The following ARHGAP35 variants were observed in gnomAD, a reference collection of about 807,000 sequenced individuals.
The protein encoded by ARHGAP35 is Rho GTPase activating protein 35.
A neutral mutation model predicts 111.1 loss-of-function variants in ARHGAP35; 15 were observed. The observed-to-expected ratio is 0.13, with a 90% CI of 0.09 to 0.21. The LOEUF (loss-of-function observed/expected upper bound fraction) is 0.21, where lower values mean the gene tolerates loss of function less well. Ranked by LOEUF, ARHGAP35 falls within the 10% of genes least tolerant of loss-of-function variation. The pLI, the probability that ARHGAP35 is intolerant of heterozygous loss-of-function variation, is 1.00. For synonymous variants in ARHGAP35, 643 were observed against 710.3 expected (o/e 0.91, Z 1.51); for missense variants, 1,262 against 1,873.0 (o/e 0.67, Z 6.02).
At chr19:46,873,915 A>C (rs980198435) in intron 1 of ARHGAP35, among the ~76,000 whole-genome samples, 3 of 151,836 alleles carry the variant, frequency 2.0e-5, no homozygotes, top group African/African-American at 7.3e-5. Context: ...CCCTGGGCTA[A>C]TTTTGTATTT....
chr19:46,889,509 G>A (rs1027509244), intron 1 of ARHGAP35, among the ~76,000 whole-genome samples: 9 of 151,852 alleles, frequency 5.9e-5, no homozygotes. Context: ...CCAATCAACA[G>A]CGATTAATTA....
chr19:46,916,309 A>C (rs2083624421), intron 1 of ARHGAP35, among the ~76,000 whole-genome samples: 1 of 151,376 alleles, frequency 6.6e-6, no homozygotes, highest in South Asian at 2.1e-4. Flanking sequence ...TTCTTTCCCC[A>C]CACACACTTT....
At chr19:46,968,623 A>G (rs1402160229) in intron 3 of ARHGAP35, among the ~76,000 whole-genome samples, 2 of 152,364 alleles carry the variant, frequency 1.3e-5, no homozygotes, top group African/African-American at 4.8e-5. Flanking sequence ...ATATATTCAT[A>G]CAGTAGAATA....
At position 46,918,694 on chromosome 19, in the gene ARHGAP35, C is replaced by G; in HGVS notation, c.19C>G (p.Gln7Glu). ...GTCGACGATGATGATGGCAAGAAAGCAAGATGTCCGAATTCCCACCTACAA... is the reference window on the plus strand; with the variant it reads ...GTCGACGATGATGATGGCAAGAAAGGAAGATGTCCGAATTCCCACCTACAA... MMMARK[Q>E]DVRIPTYNIS... The change falls in exon 2 of 7, where the codon CAA becomes GAA. Residue 7 changes from glutamine to glutamate, a missense_variant. Around this residue, in one of 8 missense-constraint regions of ARHGAP35, gnomAD observed 125 missense variants for 301.7 expected, o/e 0.41. Transcript: ENST00000672722. This position sits in a 1 kb window ranked among gnomAD's most constrained non-coding sequence, Gnocchi z 5.4. The G allele has an allele frequency of 6.2e-7, 1 of 1,612,676 alleles. No homozygotes were observed. Among genetic ancestry groups the G allele is most frequent in the Non-Finnish European group, 8.5e-7 (1 of 1,178,844 alleles).
chr19:46,891,495 C>T (rs2056023566), intron 1 of ARHGAP35, among the ~76,000 whole-genome samples: 1 of 150,716 alleles, frequency 6.6e-6, no homozygotes, highest in Admixed American at 6.6e-5. Context: ...GGTGCAATCT[C>T]GGCTCACTGC....
intron 1 of ARHGAP35, among the ~76,000 whole-genome samples, chr19:46,900,253 A>T: frequency 1.6e-5 from 2 of 127,924 alleles, no homozygotes. Context: ...ATGGAGTCTC[A>T]CTCTGTCACC....
chr19:46,872,311 ATTAG>A (rs2055891893), intron 1 of ARHGAP35, among the ~76,000 whole-genome samples: 1 of 152,098 alleles, frequency 6.6e-6, no homozygotes, highest in South Asian at 2.1e-4. Context: ...CTGAAGTGTT[ATTAG>A]TTAACTCTGT....
In ARHGAP35 at chr19:46,988,157, C is replaced by G. The variant is rs970096630; in HGVS notation, c.3904+91C>G. 1 of 1,264,552 alleles carries G rather than the reference C, an allele frequency of 7.9e-7. No homozygotes were observed. The highest frequency in any genetic ancestry group is 1.5e-5 in the African/African-American group (1 of 67,762). 78.3% of individuals were successfully genotyped at this position (1,264,552 alleles called of 1,614,324 possible). On this transcript the variant is annotated intron_variant, in intron 4 of 6. Coordinates refer to ENST00000672722, the MANE Select transcript of ARHGAP35 (RefSeq NM_004491.5). This position sits in a 1 kb window ranked among gnomAD's most constrained non-coding sequence, Gnocchi z 5.4. The stretch of plus-strand genomic sequence containing the variant: ...GAACTGTCTGTGGGGCTTCGGAGCA[C>G]TCCTGCCAGCACAGACCCAAAGCCA...
In ARHGAP35 at chr19:46,982,208, G is replaced by A. The variant is rs548134462; in HGVS notation, c.3827-5781G>A. Among the ~76,000 whole-genome samples the A allele has an allele frequency of 3.5e-3, 533 of 152,234 alleles. 1 individual carries two copies. Among genetic ancestry groups the A allele is most frequent in the Non-Finnish European group, 4.1e-3 (277 of 68,002 alleles). On this transcript the variant is annotated intron_variant, in intron 3 of 6. Transcript: ENST00000672722. ...ACTGTGTAAAGGAGCCGGGTGCGGT[G>A]GCTCATGCCTGTAATCCCAGCACTT...
chr19:46,971,990 G>C (rs915822018), intron 3 of ARHGAP35, among the ~76,000 whole-genome samples: 1 of 152,052 alleles, frequency 6.6e-6, no homozygotes, highest in Non-Finnish European at 1.5e-5. Context: ...CTTGTAAATG[G>C]AAATGGCTAA....
chr19:46,869,615 C>T (rs937302209), intron 1 of ARHGAP35, among the ~76,000 whole-genome samples: 1 of 151,958 alleles, frequency 6.6e-6, no homozygotes, highest in Non-Finnish European at 1.5e-5. Flanking sequence ...GCCTGCACTA[C>T]TTAGGAATGA....
Position 46,897,197 on chromosome 19 carries a change from C to A in ARHGAP35, c.-188-21291C>A, listed in dbSNP as rs146984635. On this transcript the variant is annotated intron_variant, in intron 1 of 6. Coordinates refer to ENST00000672722, the MANE Select transcript of ARHGAP35 (RefSeq NM_004491.5). The stretch of plus-strand genomic sequence containing the variant: ...TACAGGCGTGAGCCATCGCGCCCAG[C>A]CTTCAGCATGTTGTCAAAGGAAGTA... 9.9e-5 allele frequency among the ~76,000 whole-genome samples: 15 copies of A among 152,204 alleles called. 1 individual carries two copies. The highest frequency in any genetic ancestry group is 3.6e-4 in the African/African-American group (15 of 41,546).
intron 5 of ARHGAP35, among the ~76,000 whole-genome samples, chr19:46,998,085 G>A (rs997832178): frequency 6.6e-6 from 1 of 152,036 alleles, no homozygotes; most frequent in African/African-American, 2.4e-5. Flanking sequence ...CTGGGTGACA[G>A]AGTGAGACTC....
intron 1 of ARHGAP35, among the ~76,000 whole-genome samples, chr19:46,892,137 A>G (rs1376773313): frequency 4.7e-5 from 7 of 149,830 alleles, no homozygotes; most frequent in East Asian, 1.9e-4. Context: ...AAAAAAAAAA[A>G]AAAAAAAAAA....
chr19:46,995,614 G>T (rs2056703126), intron 5 of ARHGAP35, among the ~76,000 whole-genome samples: 1 of 152,218 alleles, frequency 6.6e-6, no homozygotes, highest in African/African-American at 2.4e-5. Flanking sequence ...CTCTGGAGTG[G>T]GTTTCTCAGC....
rs565217722 is a variant in ARHGAP35 at position 46,909,477 on chromosome 19, G to T, written c.-188-9011G>T. 1.1e-4 allele frequency among the ~76,000 whole-genome samples: 16 copies of T among 152,250 alleles called. No homozygotes were observed. The South Asian group carries it at 3.3e-3, about 32-fold the overall frequency. ...CTGAATGCGCGTAATCAATATCCAA[G>T]AATCTGTTGCATGAGACGACGTGTT... On this transcript the variant is annotated intron_variant, in intron 1 of 6. Transcript: ENST00000672722.
At chr19:46,957,108 C>T (rs2056443655) in intron 3 of ARHGAP35, among the ~76,000 whole-genome samples, 1 of 151,884 alleles carries the variant, frequency 6.6e-6, no homozygotes. Context: ...ACTACAGGCA[C>T]ACACCACCAC....
At chr19:46,974,121 A>C (rs1363151930) in intron 3 of ARHGAP35, among the ~76,000 whole-genome samples, 1 of 152,206 alleles carries the variant, frequency 6.6e-6, no homozygotes, top group East Asian at 1.9e-4. Context: ...CAGCTTCCCA[A>C]GTAGCTGGGA....
intron 3 of ARHGAP35, among the ~76,000 whole-genome samples, chr19:46,953,282 A>G (rs2056422371): frequency 1.3e-5 from 2 of 152,210 alleles, no homozygotes; most frequent in Non-Finnish European, 2.9e-5. Flanking sequence ...AAGGTGGGGT[A>G]TGAAATGTCC....
Sources: gnomAD v4.1 joint callset for allele counts (sites outside exome capture counted in the v4.1 genomes callset) on GRCh38, gnomAD v4.1.1 for gene constraint, gnomAD v4.1.1 regional missense constraint, Gnocchi (gnomAD v3.1) non-coding constraint, MANE v1.5 for transcripts, NCBI Gene and HGNC (gene_info 2026-07-23, HGNC 2026-07-21) for gene names.